TG: variants seen among roughly 807,000 people sequenced by gnomAD.
The protein encoded by TG is thyroid hormones.
Under a neutral mutation model 324.7 loss-of-function variants are expected in TG, and 270 were observed. The ratio of observed to expected loss-of-function variants is 0.83; its 90% CI spans 0.75 to 0.92. The LOEUF is 0.92. TG is among the 40% of genes least tolerant of loss of function. The pLI is 0.00. For missense variants in TG, 3,591 were observed against 3,456.4 expected (o/e 1.04, Z -0.98); for synonymous variants, 1,401 against 1,327.0 (o/e 1.06, Z -1.21).
chr8:133,091,163 G>A (rs2739175), intron 41 of TG, among the ~76,000 whole-genome samples: 6,830 of 152,244 alleles, frequency 0.045, 486 homozygotes, highest in African/African-American at 0.15. Flanking sequence ...GTTTGTCCTC[G>A]TCTTCATTGT....
intron 27 of TG, among the ~76,000 whole-genome samples, chr8:132,956,522 A>T (rs921706660): frequency 5.9e-5 from 9 of 152,240 alleles, no homozygotes; most frequent in Non-Finnish European, 1.0e-4. Flanking sequence ...TTCTGAAAGA[A>T]TGAGTAGAGG....
intron 44 of TG, 86 bp from the exon 45 acceptor site, chr8:133,116,522 GC>G: frequency 7.8e-7 from 1 of 1,276,006 alleles, no homozygotes; most frequent in Non-Finnish European, 1.1e-6. Context: ...GGCCCAGGGG[GC>G]CCCTTGCTGG....
rs1563913177 is a variant in TG at position 132,888,251 on chromosome 8, G to A, written c.2444G>A (p.Gly815Glu). The change falls in exon 10 of 48, where the codon GGA becomes GAA. Residue 815 changes from glycine (G) to glutamate (E), a missense_variant. Gly to Glu is a moderately conservative substitution (Grantham distance 98, BLOSUM62 -2). Transcript: ENST00000220616. Reference sequence around the variant, plus strand: ...ATGAGCTACAGAGAAGCAGCTTCCGGAAACTTCAGTCTCTTTATTCAAAGT... The same window carrying A: ...ATGAGCTACAGAGAAGCAGCTTCCGAAAACTTCAGTCTCTTTATTCAAAGT... ...KIMSYREAAS[G>E]NFSLFIQSLY... 3.7e-6 allele frequency: 6 copies of A among 1,614,210 alleles called. No homozygotes were observed. Among genetic ancestry groups the A allele is most frequent in the Non-Finnish European group, 5.1e-6 (6 of 1,180,036 alleles).
chr8:132,879,470 A>G (rs1814331079), intron 5 of TG, among the ~76,000 whole-genome samples: 1 of 152,222 alleles, frequency 6.6e-6, no homozygotes, highest in Admixed American at 6.5e-5. Flanking sequence ...TAAATGAGAC[A>G]AATATGGAGA....
At chr8:132,968,167 C>G (rs145655104) in intron 31 of TG, among the ~76,000 whole-genome samples, 197 bp downstream of exon 31, 1 of 151,944 alleles carries the variant, frequency 6.6e-6, no homozygotes, top group Non-Finnish European at 1.5e-5. Context: ...TCAGTTTAAA[C>G]AAAAAATATG....
intron 43 of TG, among the ~76,000 whole-genome samples, chr8:133,108,889 C>A (rs539236892): frequency 2.6e-5 from 4 of 152,304 alleles, no homozygotes; most frequent in Admixed American, 2.6e-4. Flanking sequence ...CCTGGTTTAG[C>A]CCGGGACAGG....
intron 2 of TG, among the ~76,000 whole-genome samples, chr8:132,869,273 T>C (rs1455402618): frequency 6.6e-6 from 1 of 152,034 alleles, no homozygotes; most frequent in African/African-American, 2.4e-5. Flanking sequence ...TTCTGGGGAG[T>C]CAACTCTATG....
intron 47 of TG, among the ~76,000 whole-genome samples, chr8:133,134,387 A>T (rs146460907): frequency 9.8e-5 from 15 of 152,322 alleles, no homozygotes; most frequent in African/African-American, 3.6e-4. Context: ...TAGTCCGTTA[A>T]ACAGGGAAGG....
chr8:132,984,139 G>A (rs770357771), intron 35 of TG, among the ~76,000 whole-genome samples: 1 of 152,194 alleles, frequency 6.6e-6, no homozygotes, highest in African/African-American at 2.4e-5. Flanking sequence ...GGCTCCACAC[G>A]CTGCTCAGCC....
At chr8:133,101,075 G>A (rs1168898187) in intron 43 of TG, among the ~76,000 whole-genome samples, 1 of 152,110 alleles carries the variant, frequency 6.6e-6, no homozygotes, top group African/African-American at 2.4e-5. Flanking sequence ...CAATTGCAGG[G>A]CAGGAGTGGG....
chr8:133,074,810 A>G, intron 41 of TG: 1 of 976,310 alleles, frequency 1.0e-6, no homozygotes, highest in African/African-American at 1.8e-5. Flanking sequence ...AGAGGCCCTG[A>G]AGTCTCTCCC....
At chr8:133,090,581 C>A (rs765190780) in intron 41 of TG, among the ~76,000 whole-genome samples, 5 of 152,224 alleles carry the variant, frequency 3.3e-5, no homozygotes, top group African/African-American at 7.2e-5. Flanking sequence ...CGAGGAGTTT[C>A]ATCAAGTTAC....
In TG at chr8:132,923,437, G is replaced by T; in HGVS notation, c.4628G>T (p.Cys1543Phe). ...GACAGGGGCAGTGGGAAGGCCTTCT[G>T]TGTGGACGGCGAGGGGCGGAGGCTG... ...QKDRGSGKAFCVDGEGRRLPW... is the reference protein window; with the variant it reads ...QKDRGSGKAFFVDGEGRRLPW... The change falls in exon 22 of 48, where the codon TGT becomes TTT. Residue 1543 changes from cysteine to phenylalanine, a missense_variant. Coordinates refer to ENST00000220616, the MANE Select transcript of TG (RefSeq NM_003235.5). The T allele has an allele frequency of 6.2e-7, 1 of 1,614,168 alleles. No homozygotes were observed. The highest frequency in any genetic ancestry group is 8.5e-7 in the Non-Finnish European group (1 of 1,180,044).
chr8:133,020,674 A>G lies in TG; in HGVS notation c.6876+979A>G, dbSNP rs183327229. On this transcript the variant is annotated intron_variant, in intron 39 of 47. Transcript: ENST00000220616. Reference sequence around the variant, plus strand: ...ATCTGAGCTGGAATGTCAGAGAGGAAGAGACTCCAGGTCAGCCCCTTCCTC... The same window carrying G: ...ATCTGAGCTGGAATGTCAGAGAGGAGGAGACTCCAGGTCAGCCCCTTCCTC... 3.3e-5 allele frequency among the ~76,000 whole-genome samples: 5 copies of G among 152,288 alleles called. No homozygotes were observed. In the East Asian group the frequency reaches 9.7e-4, roughly 29 times the overall value.
chr8:133,080,404 C>A (rs1453105541), intron 41 of TG, among the ~76,000 whole-genome samples: 1 of 152,134 alleles, frequency 6.6e-6, no homozygotes, highest in African/African-American at 2.4e-5. Context: ...ACCACTAGGC[C>A]TAGGCTCATG....
intron 26 of TG, among the ~76,000 whole-genome samples, chr8:132,946,652 C>T (rs933691366): frequency 1.3e-5 from 2 of 152,164 alleles, no homozygotes; most frequent in African/African-American, 4.8e-5. Context: ...AATCTCCACC[C>T]CTCTAAGGCT....
chr8:133,066,042 T>G (rs1033173987), intron 41 of TG, among the ~76,000 whole-genome samples: 3 of 152,224 alleles, frequency 2.0e-5, no homozygotes, highest in East Asian at 3.9e-4. Context: ...AAGGAATGTT[T>G]TCTAGCCTTT....
At chr8:133,000,164 A>G (rs966199538) in intron 35 of TG, among the ~76,000 whole-genome samples, 8 of 152,330 alleles carry the variant, frequency 5.3e-5, no homozygotes, top group Non-Finnish European at 1.2e-4. Context: ...GTTAGTGAGT[A>G]TGGCTGTGCC....
intron 25 of TG, 88 bp downstream of exon 25, chr8:132,935,952 G>C: frequency 2.9e-6 from 3 of 1,023,652 alleles, no homozygotes; most frequent in Non-Finnish European, 4.5e-6. Context: ...CATGTGAGGA[G>C]GAGCCAGACT....
Sources: allele counts gnomAD v4.1 joint callset (sites outside exome capture counted in the v4.1 genomes callset), GRCh38; gene constraint gnomAD v4.1.1; transcripts MANE v1.5; gene names NCBI Gene and HGNC (gene_info 2026-07-23, HGNC 2026-07-21).